The following NEK4 variants were observed in gnomAD, a reference collection of about 807,000 sequenced individuals.
NEK4 encodes the protein serine/threonine-protein kinase Nek4.
Under a neutral mutation model 98.4 loss-of-function variants are expected in NEK4, and 86 were observed. The ratio of observed to expected loss-of-function variants is 0.87; its 90% confidence interval spans 0.73 to 1.05. The LOEUF (loss-of-function observed/expected upper bound fraction) is 1.05. Among genes scored for constraint, NEK4 ranks in the 50% least tolerant of loss-of-function variants. NEK4 has a pLI of 0.00. For synonymous variants in NEK4, 328 were observed against 342.2 expected, an observed-to-expected ratio of 0.96 and a Z score of 0.46; for missense variants, 898 against 950.3, an observed-to-expected ratio of 0.94 and a Z score of 0.72.
At position 52,710,297 on chromosome 3, in the gene NEK4, G is replaced by A. The variant is rs1431317688; in HGVS notation, c.*1480C>T. 4.0e-5 allele frequency: 6 copies of A among 151,890 alleles called. No individual in the cohort carries two copies. Among genetic ancestry groups the A allele is most frequent in the African/African-American group, 9.7e-5 (4 of 41,282 alleles). The allele number at this position is 151,890 out of a possible 1,614,324, so 9.4% of individuals were successfully genotyped here. ...GGAGAATGGAGTGAACCTGGGAGGC[G>A]GAGCTTGCAGTGATCTGAGATTGGG... On this transcript the variant is annotated 3_prime_UTR_variant, in exon 16 of 16. Transcript: ENST00000233027.
chr3:52,719,501 T>C (rs1295222325), intron 15 of NEK4, among the ~76,000 whole-genome samples: 1 of 151,260 alleles, frequency 6.6e-6, no homozygotes, highest in Admixed American at 6.6e-5. Flanking sequence ...GAGAATCGCT[T>C]GAACCTGGGA....
Position 52,737,619 on chromosome 3 carries a change from A to G in NEK4, c.2400T>C (p.Asp800=). The change falls in exon 15 of 16, where the codon GAT becomes GAC. Residue 800 remains aspartate, a synonymous_variant. Coordinates refer to ENST00000233027, the MANE Select transcript of NEK4 (RefSeq NM_003157.6). ...LGVQLLEQVY[D]LLEEEDEFDR... ...CAAATTCATCCTCCTCCTCCAAAAG[A>G]TCATACACCTGCTCTAAAAGCTGAA... The G allele has an allele frequency of 6.2e-7, 1 of 1,613,932 alleles. No homozygotes were observed. The highest frequency in any genetic ancestry group is 8.5e-7 in the Non-Finnish European group (1 of 1,179,870).
intron 6 of NEK4, among the ~76,000 whole-genome samples, chr3:52,752,900 C>CAAAAAAAA (rs71087016): frequency 3.2e-4 from 16 of 49,914 alleles, no homozygotes; most frequent in African/African-American, 6.4e-4. Context: ...AACCCTGCCT[C>CAAAAAAAA]AAAAAAAAAA....
In NEK4 at chr3:52,739,726, T is replaced by C. The variant is rs1050400125; in HGVS notation, c.2094-92A>G. ...GTGCAAAACGACCTTTCGGGAATTA[T>C]CCTTTGAAATGTCCAAGTAAGTTCC... On this transcript the variant is annotated intron_variant, in intron 13 of 15. Transcript: ENST00000233027. The C allele has an allele frequency of 8.5e-6, 9 of 1,057,204 alleles. No homozygotes were observed. In the African/African-American group the frequency reaches 1.3e-4, roughly 15 times the overall value. The allele number at this position is 1,057,204 out of a possible 1,614,324, so 65.5% of individuals were successfully genotyped here.
intron 15 of NEK4, among the ~76,000 whole-genome samples, chr3:52,735,435 T>C (rs146892594): frequency 0.012 from 1,791 of 152,386 alleles, 22 homozygotes; most frequent in Non-Finnish European, 0.018. Flanking sequence ...TGAGGGTTAT[T>C]ATTTATGTCA....
intron 7 of NEK4, among the ~76,000 whole-genome samples, chr3:52,751,271 C>T (rs759148564): frequency 3.3e-5 from 5 of 151,940 alleles, no homozygotes; most frequent in Admixed American, 6.6e-5. Context: ...CTGACTAACA[C>T]GGTGAAACCT....
intron 15 of NEK4, among the ~76,000 whole-genome samples, chr3:52,722,631 G>A (rs140355904): frequency 3.3e-5 from 5 of 152,268 alleles, no homozygotes; most frequent in East Asian, 1.9e-4. Context: ...GGCCGGGCAC[G>A]GTGACTCACG....
intron 5 of NEK4, 72 bp downstream of exon 5, chr3:52,763,398 A>G: frequency 7.3e-7 from 1 of 1,375,476 alleles, no homozygotes; most frequent in African/African-American, 1.5e-5. Context: ...ATTCTTGCAT[A>G]TGAATATTAC....
chr3:52,722,240 T>C (rs1467489256), intron 15 of NEK4, among the ~76,000 whole-genome samples: 4 of 152,092 alleles, frequency 2.6e-5, no homozygotes, highest in Non-Finnish European at 4.4e-5. Context: ...AAAATTCTTC[T>C]CCACCCTCCT....
At chr3:52,714,861 G>A (rs1399942624) in intron 15 of NEK4, among the ~76,000 whole-genome samples, 2 of 152,236 alleles carry the variant, frequency 1.3e-5, no homozygotes, top group African/African-American at 4.8e-5. Context: ...GCCTGGCCAG[G>A]TGTGCGCATG....
At chr3:52,769,968 C>G (rs1259718950) in intron 1 of NEK4, among the ~76,000 whole-genome samples, 1 of 152,112 alleles carries the variant, frequency 6.6e-6, no homozygotes, top group African/African-American at 2.4e-5. Context: ...GTTGGGAAAC[C>G]GTGGCCATAG....
intron 15 of NEK4, among the ~76,000 whole-genome samples, chr3:52,726,454 C>T (rs2097364662): frequency 6.6e-6 from 1 of 151,840 alleles, no homozygotes; most frequent in African/African-American, 2.4e-5. Context: ...AAAAAATTAG[C>T]TGGGCATGGT....
chr3:52,756,782 T>G (rs974153813), intron 6 of NEK4, among the ~76,000 whole-genome samples: 20 of 152,196 alleles, frequency 1.3e-4, no homozygotes, highest in African/African-American at 4.8e-4. Context: ...ATTTTGTGCA[T>G]CAAAAGATAC....
chr3:52,743,384 G>C lies in NEK4; in HGVS notation c.1972C>G (p.Arg658Gly). 4.3e-6 allele frequency: 7 copies of C among 1,614,040 alleles called. No homozygotes were observed. Among genetic ancestry groups the C allele is most frequent in the African/African-American group, 1.3e-5 (1 of 75,030 alleles). Residue 658 changes from arginine (R) to glycine (G), a missense_variant, in exon 12 of 16, where the codon CGA (arginine) becomes GGA (glycine). Coordinates refer to ENST00000233027, the MANE Select transcript of NEK4 (RefSeq NM_003157.6). Reference sequence around the variant, plus strand: ...ACGCTGCAGTCAGAGGAGAGCCGTCGGGCAGGCAAGGGCTGGTCTTCTTCC... The same window carrying C: ...ACGCTGCAGTCAGAGGAGAGCCGTCCGGCAGGCAAGGGCTGGTCTTCTTCC... ...PQEEDQPLPA[R>G]RLSSDCSVTQ... is the part of the protein sequence containing the mutation.
rs1398056017 is a variant in NEK4, at chr3:52,711,245, G to T, written c.*532C>A. On this transcript the variant is annotated 3_prime_UTR_variant, in exon 16 of 16. Coordinates refer to ENST00000233027, the MANE Select transcript of NEK4 (RefSeq NM_003157.6). ...CATCAATGTGTAGAAAAGAAATACAGCTGCTCAAGTACTAGATAGAACTTC... is the reference window on the plus strand; with the variant it reads ...CATCAATGTGTAGAAAAGAAATACATCTGCTCAAGTACTAGATAGAACTTC... 6.6e-6 allele frequency: 1 copy of T among 152,172 alleles called. No homozygotes were observed. Among genetic ancestry groups the T allele is most frequent in the African/African-American group, 2.4e-5 (1 of 41,414 alleles). 9.4% of individuals were successfully genotyped at this position (152,172 alleles called of 1,614,324 possible).
At chr3:52,766,423 G>A in intron 2 of NEK4, 48 bp from the exon 3 acceptor site, 1 of 1,363,996 alleles carries the variant, frequency 7.3e-7, no homozygotes, top group Non-Finnish European at 1.0e-6. Flanking sequence ...ACTTAATTAT[G>A]TATTTATTCC....
chr3:52,717,974 A>G (rs1465188157), intron 15 of NEK4, among the ~76,000 whole-genome samples: 1 of 151,704 alleles, frequency 6.6e-6, no homozygotes, highest in African/African-American at 2.4e-5. Flanking sequence ...TTGTATTTTT[A>G]GTAGAGACGG....
chr3:52,751,240 G>A (rs1187058926), intron 7 of NEK4, among the ~76,000 whole-genome samples: 2 of 152,116 alleles, frequency 1.3e-5, no homozygotes, highest in African/African-American at 4.8e-5. Context: ...CAGATCACGA[G>A]GTCAGGAGAT....
intron 15 of NEK4, among the ~76,000 whole-genome samples, chr3:52,719,152 A>C (rs1165081098): frequency 6.6e-6 from 1 of 152,208 alleles, no homozygotes; most frequent in African/African-American, 2.4e-5. Flanking sequence ...CTTTGGAATA[A>C]AAAGTCACTT....
Sources: allele counts gnomAD v4.1 joint callset (sites outside exome capture counted in the v4.1 genomes callset), GRCh38; gene constraint gnomAD v4.1.1; transcripts MANE v1.5; gene names NCBI Gene and HGNC (gene_info 2026-07-23, HGNC 2026-07-21).